OR1B1: variants seen among roughly 807,000 people sequenced by gnomAD.
OR1B1 encodes the protein olfactory receptor 1B1.
For synonymous variants in OR1B1, 168 were observed against 156.2 expected (o/e 1.08, Z -0.57); for missense variants, 414 against 402.1 (o/e 1.03, Z -0.25).
the OR1B1 span, among the ~76,000 whole-genome samples, chr9:122,648,264 C>T: frequency 1.3e-5 from 2 of 152,148 alleles, no homozygotes; most frequent in African/African-American, 4.8e-5. Flanking sequence ...ATACGCAAAT[C>T]AATAAATGTA....
At chr9:122,655,128 T>G in the OR1B1 span, among the ~76,000 whole-genome samples, 1 of 152,182 alleles carries the variant, frequency 6.6e-6, no homozygotes, top group South Asian at 2.1e-4. Flanking sequence ...CACTGCACCA[T>G]TCACCCTGCT....
the OR1B1 span, among the ~76,000 whole-genome samples, chr9:122,640,066 C>G: frequency 3.3e-5 from 5 of 152,058 alleles, no homozygotes; most frequent in African/African-American, 1.2e-4. Flanking sequence ...AACTTGCTTA[C>G]TATTGTAGAA....
chr9:122,632,276 G>C (rs981616769), upstream of OR1B1, among the ~76,000 whole-genome samples: 3 of 151,308 alleles, frequency 2.0e-5, no homozygotes, highest in African/African-American at 7.3e-5. Flanking sequence ...AGAAAATAAA[G>C]ATTATAAGAA....
At chr9:122,632,404 AAGTT>A (rs530718110), upstream of OR1B1, among the ~76,000 whole-genome samples, 1 of 152,154 alleles carries the variant, frequency 6.6e-6, no homozygotes, top group African/African-American at 2.4e-5. Context: ...CTGAAGAGAG[AAGTT>A]AGTTCTTTTA....
upstream of OR1B1, among the ~76,000 whole-genome samples, chr9:122,632,347 A>T (rs903249378): frequency 2.6e-5 from 4 of 152,210 alleles, no homozygotes; most frequent in African/African-American, 9.6e-5. Context: ...AGAAAACAAA[A>T]ACATTCACAT....
chr9:122,650,239 G>T, the OR1B1 span, among the ~76,000 whole-genome samples: 3 of 151,970 alleles, frequency 2.0e-5, no homozygotes, highest in African/African-American at 7.3e-5. Flanking sequence ...TCACACACCG[G>T]GGCCTGTCGG....
chr9:122,654,938 ATG>A, the OR1B1 span, among the ~76,000 whole-genome samples: 22 of 152,334 alleles, frequency 1.4e-4, no homozygotes, highest in African/African-American at 5.3e-4. Flanking sequence ...AAGACTTTAA[ATG>A]TTTTCAGCAA....
chr9:122,653,233 C>T, the OR1B1 span, among the ~76,000 whole-genome samples: 1 of 152,136 alleles, frequency 6.6e-6, no homozygotes, highest in Non-Finnish European at 1.5e-5. Flanking sequence ...AGACACCATG[C>T]TACGTATTAA....
chr9:122,646,187 T>C, the OR1B1 span, among the ~76,000 whole-genome samples: 1 of 151,798 alleles, frequency 6.6e-6, no homozygotes, highest in African/African-American at 2.4e-5. Flanking sequence ...TCAAAAAACA[T>C]ATAATGGATA....
chr9:122,636,136 G>A, the OR1B1 span, among the ~76,000 whole-genome samples: 1 of 152,178 alleles, frequency 6.6e-6, no homozygotes, highest in African/African-American at 2.4e-5. Flanking sequence ...GTCAGGCTTC[G>A]TTTCTACTTG....
upstream of OR1B1, among the ~76,000 whole-genome samples, chr9:122,629,744 T>C (rs1830187926): frequency 6.6e-6 from 1 of 152,192 alleles, no homozygotes; most frequent in Admixed American, 6.5e-5. Context: ...TATTTCTTCC[T>C]TTTCACCCAC....
the OR1B1 span, among the ~76,000 whole-genome samples, chr9:122,651,802 T>C: frequency 1.0e-3 from 154 of 152,336 alleles, no homozygotes; most frequent in African/African-American, 3.6e-3. Context: ...TTCAGATATA[T>C]GTACATCAGG....
downstream of OR1B1, chr9:122,628,430 T>A (rs1362201808): frequency 4.8e-6 from 3 of 625,006 alleles, no homozygotes; most frequent in Non-Finnish European, 8.7e-6. Context: ...TGTTCATGGC[T>A]CCATCAAAGC....
In OR1B1 at chr9:122,628,783, G is replaced by GA. The variant is rs766163881; in HGVS notation, c.752dup (p.Thr252HisfsTer46). On this transcript the variant is annotated frameshift_variant, in exon 1 of 1. Transcript: ENST00000623530. LOFTEE classifies it low-confidence loss of function (END_TRUNC). ...TGCCGTAGAGGAAACCAACCATGGT[G>GA]AGGTGGGATCCACAGGTGGAGACTG... is the stretch of plus-strand genomic sequence containing the variant. 7 of 1,614,188 alleles carry GA rather than the reference G, an allele frequency of 4.3e-6. No individual in the cohort carries two copies. The highest frequency in any genetic ancestry group is 5.1e-6 in the Non-Finnish European group (6 of 1,180,012).
the OR1B1 span, among the ~76,000 whole-genome samples, chr9:122,636,417 C>G: frequency 6.6e-6 from 1 of 152,194 alleles, no homozygotes; most frequent in African/African-American, 2.4e-5. Flanking sequence ...GAGTTCAAGA[C>G]CCACCTGGGC....
the OR1B1 span, among the ~76,000 whole-genome samples, chr9:122,640,970 T>G: frequency 6.6e-6 from 1 of 152,160 alleles, no homozygotes; most frequent in Non-Finnish European, 1.5e-5. Flanking sequence ...GAAAGAAGAA[T>G]AAATATTAGA....
At chr9:122,628,792 T>C (rs774280366) in exon 1 of OR1B1, 42 of 1,613,878 alleles carry the variant, frequency 2.6e-5, no homozygotes, top group Middle Eastern at 3.3e-4. Flanking sequence ...TGAGGTGGGA[T>C]CCACAGGTGG....
the OR1B1 span, among the ~76,000 whole-genome samples, chr9:122,652,043 G>A: frequency 8.5e-5 from 13 of 152,054 alleles, no homozygotes; most frequent in East Asian, 1.9e-4. Flanking sequence ...TCAAGTGGTC[G>A]CCTTGGCCTC....
the OR1B1 span, among the ~76,000 whole-genome samples, chr9:122,643,593 A>T: frequency 6.6e-6 from 1 of 152,222 alleles, no homozygotes; most frequent in Admixed American, 6.5e-5. Context: ...GCTTAAAGCC[A>T]GTGAACTAGG....
Sources: allele counts gnomAD v4.1 joint callset (sites outside exome capture counted in the v4.1 genomes callset), GRCh38; gene constraint gnomAD v4.1.1; transcripts MANE v1.5; gene names NCBI Gene and HGNC (gene_info 2026-07-23, HGNC 2026-07-21).